The following CALN1 variants were observed in gnomAD, a reference collection of about 807,000 sequenced individuals.
CALN1 encodes the protein calcium-binding protein 8.
A neutral mutation model predicts 30.6 loss-of-function variants in CALN1; 17 were observed. The ratio of observed to expected loss-of-function variants is 0.56; its 90% CI spans 0.38 to 0.83. The LOEUF (loss-of-function observed/expected upper bound fraction) is 0.83, where lower values mean the gene tolerates loss of function less well. Ranked by LOEUF, CALN1 falls within the 40% of genes least tolerant of loss-of-function variation. The pLI is 0.00. For missense variants in CALN1, 291 were observed against 354.9 expected, an observed-to-expected ratio of 0.82 and a Z score of 1.45; for synonymous variants, 156 against 131.4, an observed-to-expected ratio of 1.19 and a Z score of -1.28.
intron 4 of CALN1, among the ~76,000 whole-genome samples, chr7:72,035,854 GAAAAC>G (rs1444476313): frequency 6.6e-6 from 1 of 152,138 alleles, no homozygotes; most frequent in African/African-American, 2.4e-5. Flanking sequence ...AAATTATGTA[GAAAAC>G]AAAATGTAGA....
At chr7:71,900,517 A>C (rs1793790890) in intron 5 of CALN1, among the ~76,000 whole-genome samples, 1 of 152,228 alleles carries the variant, frequency 6.6e-6, no homozygotes, top group South Asian at 2.1e-4. Context: ...CACCACTAAC[A>C]ATCAAGCTGA....
At chr7:72,209,131 C>G (rs1792133677) in intron 3 of CALN1, among the ~76,000 whole-genome samples, 1 of 139,874 alleles carries the variant, frequency 7.1e-6, no homozygotes, top group South Asian at 2.5e-4. Context: ...CCTTCCTTCT[C>G]TCCCTCTTTC....
At chr7:71,866,573 G>A (rs1318429887) in intron 5 of CALN1, among the ~76,000 whole-genome samples, 1 of 152,026 alleles carries the variant, frequency 6.6e-6, no homozygotes, top group African/African-American at 2.4e-5. Flanking sequence ...ATTTGGTTTT[G>A]AATTGTAAGC....
chr7:71,978,376 A>G (rs1291898835), intron 5 of CALN1, among the ~76,000 whole-genome samples: 1 of 140,218 alleles, frequency 7.1e-6, no homozygotes, highest in Non-Finnish European at 1.5e-5. Flanking sequence ...GGTTCACGCC[A>G]TTCTCCTGCC....
chr7:71,836,756 T>C (rs1224953848), intron 5 of CALN1, among the ~76,000 whole-genome samples: 3 of 151,792 alleles, frequency 2.0e-5, no homozygotes, highest in African/African-American at 7.2e-5. Flanking sequence ...TAGCTGGGCT[T>C]ACAGGCACCC....
intron 4 of CALN1, among the ~76,000 whole-genome samples, chr7:72,045,053 C>T (rs555526880): frequency 1.3e-5 from 2 of 152,288 alleles, no homozygotes; most frequent in South Asian, 4.1e-4. Context: ...CTCAACTTCT[C>T]ACGGAAGTCT....
intron 2 of CALN1, among the ~76,000 whole-genome samples, chr7:72,288,775 C>T (rs971223657): frequency 6.6e-6 from 1 of 152,112 alleles, no homozygotes; most frequent in Non-Finnish European, 1.5e-5. Flanking sequence ...ATGATTTTTG[C>T]ACTGCTTTGT....
intron 3 of CALN1, among the ~76,000 whole-genome samples, chr7:72,108,498 G>C (rs1055951980): frequency 6.6e-6 from 1 of 152,192 alleles, no homozygotes; most frequent in Non-Finnish European, 1.5e-5. Flanking sequence ...AAGTGTGGAT[G>C]CTAAAGTGAC....
chr7:72,115,476 T>C (rs1294579380), intron 3 of CALN1, among the ~76,000 whole-genome samples: 1 of 142,500 alleles, frequency 7.0e-6, no homozygotes, highest in Non-Finnish European at 1.5e-5. Context: ...ACATTACACA[T>C]ATACATTCTT....
chr7:71,798,294 A>T (rs1403221603), intron 6 of CALN1, among the ~76,000 whole-genome samples: 1 of 146,820 alleles, frequency 6.8e-6, no homozygotes, highest in Non-Finnish European at 1.5e-5. Context: ...TTTTATTTGC[A>T]ACCCAAACTA....
chr7:72,298,971 T>C (rs534910331), intron 2 of CALN1, among the ~76,000 whole-genome samples: 1 of 152,144 alleles, frequency 6.6e-6, no homozygotes, highest in South Asian at 2.1e-4. Flanking sequence ...CTCTTTCTTT[T>C]GTAAATTGTC....
intron 1 of CALN1, among the ~76,000 whole-genome samples, chr7:72,411,482 A>T (rs1807142683): frequency 6.6e-6 from 1 of 152,142 alleles, no homozygotes; most frequent in African/African-American, 2.4e-5. Context: ...TAAAAATATC[A>T]CTGTGAACTC....
At chr7:72,140,170 C>T (rs560998941) in intron 3 of CALN1, among the ~76,000 whole-genome samples, 7 of 151,720 alleles carry the variant, frequency 4.6e-5, no homozygotes, top group Non-Finnish European at 8.8e-5. Context: ...ACTAGGGAGA[C>T]TGAGGCAAGA....
chr7:72,389,749 G>A (rs766796876), intron 2 of CALN1, among the ~76,000 whole-genome samples: 3 of 151,970 alleles, frequency 2.0e-5, no homozygotes, highest in Non-Finnish European at 4.4e-5. Flanking sequence ...GTGAAACCCT[G>A]TCTCTACTAA....
chr7:72,433,494 G>T lies in CALN1; in HGVS notation c.-226+13548C>A, dbSNP rs566895752. On this transcript the variant is annotated intron_variant, in intron 1 of 6. Transcript: ENST00000395276. Reference sequence around the variant, plus strand: ...GGCTGGGAGCCCTCCCCAAGATCAGGAAGCAATGCCCTGCTACCCCATCCT... The same window carrying T: ...GGCTGGGAGCCCTCCCCAAGATCAGTAAGCAATGCCCTGCTACCCCATCCT... 1.4e-3 allele frequency among the ~76,000 whole-genome samples: 207 copies of T among 152,252 alleles called. 3 individuals carry two copies. The highest frequency in any genetic ancestry group is 4.4e-3 in the Admixed American group (67 of 15,302).
In CALN1 at chr7:72,205,573, T is replaced by C. The variant is rs868058019; in HGVS notation, c.244+73113A>G. Among the ~76,000 whole-genome samples the C allele has an allele frequency of 2.5e-4, 30 of 120,632 alleles. 1 individual carries two copies. Among genetic ancestry groups the C allele is most frequent in the East Asian group, 1.3e-3 (4 of 3,106 alleles). The allele number at this position is 120,632 out of a possible 152,430, so 79.1% of individuals were successfully genotyped here. A position where few individuals can be genotyped will look rare whatever the true frequency, so the allele number is the denominator to read the frequency against. ...AAAAATATATATATATATATGTATA[T>C]ATATATATATATATTCAGGAGAAAC... On this transcript the variant is annotated intron_variant, in intron 3 of 6. Coordinates refer to ENST00000395275, the MANE Select transcript of CALN1 (RefSeq NM_031468.4).
intron 3 of CALN1, among the ~76,000 whole-genome samples, chr7:72,169,529 C>T (rs1788788687): frequency 6.7e-6 from 1 of 149,604 alleles, no homozygotes. Flanking sequence ...TTCTATGTTG[C>T]CCAGGCTGGT....
chr7:71,854,375 GAGAAAGAA>G (rs915415354), intron 5 of CALN1, among the ~76,000 whole-genome samples: 3 of 151,128 alleles, frequency 2.0e-5, no homozygotes, highest in East Asian at 1.9e-4. Flanking sequence ...CAGACAGACA[GAGAAAGAA>G]AGAAAGAAAG....
rs116533057 is a variant in CALN1, at chr7:72,125,321, G to A, written c.245-19027C>T. Among the ~76,000 whole-genome samples, 1,505 of 152,202 alleles carry A rather than the reference G, an allele frequency of 9.9e-3. 24 individuals are homozygous for A. The highest frequency in any genetic ancestry group is 0.034 in the African/African-American group (1,425 of 41,542). ...TGAGCCACCACACCCGGCCCACCATGTTTTATCTATCAGATGCAAATGCAG... is the reference window on the plus strand; with the variant it reads ...TGAGCCACCACACCCGGCCCACCATATTTTATCTATCAGATGCAAATGCAG... On this transcript the variant is annotated intron_variant, in intron 3 of 6. Transcript: ENST00000395275.
Sources: allele counts gnomAD v4.1 joint callset (sites outside exome capture counted in the v4.1 genomes callset), GRCh38; gene constraint gnomAD v4.1.1; transcripts MANE v1.5; gene names NCBI Gene and HGNC (gene_info 2026-07-23, HGNC 2026-07-21).